The following DUT variants were observed in gnomAD, a reference collection of about 807,000 sequenced individuals.
DUT encodes the protein deoxyuridine triphosphatase, also known as deoxyuridine 5'-triphosphate nucleotidohydrolase, mitochondrial.
DUT carries 21 observed loss-of-function variants against 28.8 expected under a neutral mutation model. The ratio of observed to expected loss-of-function variants is 0.73; its 90% CI spans 0.52 to 1.05. DUT has a LOEUF of 1.05. Ranked by LOEUF, DUT falls within the 50% of genes least tolerant of loss-of-function variation. The pLI is 0.00. For missense variants in DUT, 344 were observed against 351.8 expected, an observed-to-expected ratio of 0.98 and a Z score of 0.18; for synonymous variants, 147 against 143.7, an observed-to-expected ratio of 1.02 and a Z score of -0.17.
At position 48,342,816 on chromosome 15, in the gene DUT, TC is replaced by T. The variant is rs1432579068; in HGVS notation, c.*741del. ...TTGTACTAGTTGTAGTTACGAGTTT[TC>T]CCTCAGTGAAGTAGCAATAGGCTGT... On this transcript the variant is annotated 3_prime_UTR_variant, in exon 7 of 7. Transcript: ENST00000331200. 1.3e-5 allele frequency: 2 copies of T among 152,192 alleles called. No homozygotes were observed. Among genetic ancestry groups the T allele is most frequent in the Non-Finnish European group, 2.9e-5 (2 of 68,028 alleles). The allele number at this position is 152,192 out of a possible 1,614,324, so 9.4% of individuals were successfully genotyped here.
At position 48,342,065 on chromosome 15, in the gene DUT, C is replaced by A; in HGVS notation, c.746C>A (p.Thr249Asn). ...TERGSGGFGS[T>N]GKN ...AGGGGTTCAGGAGGTTTTGGTTCCACTGGAAAGAATTAAAATTTATGCCAA... is the reference window on the plus strand; with the variant it reads ...AGGGGTTCAGGAGGTTTTGGTTCCAATGGAAAGAATTAAAATTTATGCCAA... The change falls in exon 7 of 7, where the codon ACT becomes AAT. Residue 249 changes from threonine to asparagine, a missense_variant. Coordinates refer to ENST00000331200, the MANE Select transcript of DUT (RefSeq NM_001025248.2). The A allele has an allele frequency of 6.4e-7, 1 of 1,564,814 alleles. No individual in the cohort carries two copies. Among genetic ancestry groups the A allele is most frequent in the South Asian group, 1.2e-5 (1 of 82,346 alleles).
At position 48,331,475 on chromosome 15, in the gene DUT, C is replaced by A. The variant is rs1241277707; in HGVS notation, c.-41C>A. On this transcript the variant is annotated 5_prime_UTR_variant, in exon 1 of 7. Transcript: ENST00000331200. ...TCAGGGTGGAAGCCTGGCGCACGTC[C>A]GGAGGTGCCGAGGACCCAACCAGCC... is the stretch of plus-strand genomic sequence containing the variant. 4 of 1,607,016 alleles carry A rather than the reference C, an allele frequency of 2.5e-6. No homozygotes were observed. The highest frequency in any genetic ancestry group is 3.4e-6 in the Non-Finnish European group (4 of 1,177,386).
At chr15:48,340,578 G>A (rs1566875135) in intron 4 of DUT, among the ~76,000 whole-genome samples, 2 of 152,166 alleles carry the variant, frequency 1.3e-5, no homozygotes, top group African/African-American at 4.8e-5. Flanking sequence ...TCTGGGCTAT[G>A]TCAGGGACCT....
intron 1 of DUT, 33 bp from the exon 2 acceptor site, chr15:48,332,235 C>T (rs1195017956): frequency 2.6e-6 from 4 of 1,568,110 alleles, no homozygotes; most frequent in Non-Finnish European, 3.5e-6. Flanking sequence ...TCTCCTCGCT[C>T]GCCTTCTGGC....
At position 48,331,758 on chromosome 15, in the gene DUT, G is replaced by T; in HGVS notation, c.243G>T (p.Glu81Asp). The change falls in exon 1 of 7, where the codon GAG becomes GAT. Residue 81 changes from glutamate to aspartate, a missense_variant. By Grantham distance (45) the Glu-to-Asp change is conservative. Transcript: ENST00000331200. ...STVGAAGWKG[E>D]LPKAGGSPAP... ...TCGGGGCCGCTGGCTGGAAGGGCGA[G>T]CTTCCTAAGGCGGGGGGAAGCCCGG... 1 of 1,406,334 alleles carries T rather than the reference G, an allele frequency of 7.1e-7. No homozygotes were observed. The allele number at this position is 1,406,334 out of a possible 1,614,324, so 87.1% of individuals were successfully genotyped here.
chr15:48,339,743 C>T (rs935527902), intron 4 of DUT, among the ~76,000 whole-genome samples: 3 of 152,126 alleles, frequency 2.0e-5, no homozygotes, highest in Admixed American at 6.6e-5. Flanking sequence ...CTTTTCTGCC[C>T]AGTTTTATAC....
intron 4 of DUT, among the ~76,000 whole-genome samples, chr15:48,338,684 C>G (rs1366904602): frequency 6.6e-6 from 1 of 152,160 alleles, no homozygotes; most frequent in Non-Finnish European, 1.5e-5. Flanking sequence ...TCAAATATTG[C>G]TGATGGAAGT....
intron 1 of DUT, 89 bp downstream of exon 1, chr15:48,331,884 T>A: frequency 6.3e-6 from 1 of 159,554 alleles, no homozygotes; most frequent in Non-Finnish European, 1.0e-5. Flanking sequence ...GAGCGGTCCT[T>A]CTGCGCGCGG....
chr15:48,342,620 G>C lies in DUT; in HGVS notation c.*542G>C, dbSNP rs909812023. On this transcript the variant is annotated 3_prime_UTR_variant, in exon 7 of 7. Coordinates refer to ENST00000331200, the MANE Select transcript of DUT (RefSeq NM_001025248.2). ...TCTAAAAACTTCTTTTTAATCTTAAGATTCTTTGTGATGAGGGTGAGAAAA... is the reference window on the plus strand; with the variant it reads ...TCTAAAAACTTCTTTTTAATCTTAACATTCTTTGTGATGAGGGTGAGAAAA... 9 of 152,060 alleles carry C rather than the reference G, an allele frequency of 5.9e-5. No individual in the cohort carries two copies. Among genetic ancestry groups the C allele is most frequent in the African/African-American group, 2.2e-4 (9 of 41,414 alleles). The allele number at this position is 152,060 out of a possible 1,614,324, so 9.4% of individuals were successfully genotyped here.
At chr15:48,335,597 G>T (rs1214971941) in intron 3 of DUT, among the ~76,000 whole-genome samples, 1 of 152,080 alleles carries the variant, frequency 6.6e-6, no homozygotes, top group Non-Finnish European at 1.5e-5. Flanking sequence ...CTTCCCATCT[G>T]CATTGTACAT....
At position 48,332,366 on chromosome 15, in the gene DUT, A is replaced by G; in HGVS notation, c.379A>G (p.Thr127Ala). The change falls in exon 2 of 7, where the codon ACC becomes GCC. Residue 127 changes from threonine to alanine, a missense_variant. Coordinates refer to ENST00000331200, the MANE Select transcript of DUT (RefSeq NM_001025248.2). Reference sequence around the variant, plus strand: ...GCTCTCCGAGCACGCCACGGCCCCCACCCGGGGCTCCGCGCGCGCCGCGGG... The same window carrying G: ...GCTCTCCGAGCACGCCACGGCCCCCGCCCGGGGCTCCGCGCGCGCCGCGGG... Reference protein sequence around the residue: ...ARLSEHATAPTRGSARAAGYD... With the variant: ...ARLSEHATAPARGSARAAGYD... 6.3e-7 allele frequency: 1 copy of G among 1,594,232 alleles called. No individual in the cohort carries two copies. The highest frequency in any genetic ancestry group is 8.5e-7 in the Non-Finnish European group (1 of 1,172,674).
chr15:48,331,970 C>G, intron 1 of DUT, 175 bp downstream of exon 1: 6 of 873,010 alleles, frequency 6.9e-6, no homozygotes, highest in South Asian at 2.2e-5. Context: ...GGGCGACGCC[C>G]TAGAAGCTCC....
rs1390421400 is a variant in DUT at position 48,343,294 on chromosome 15, G to A, written c.*1216G>A. On this transcript the variant is annotated 3_prime_UTR_variant, in exon 7 of 7. Coordinates refer to ENST00000331200, the MANE Select transcript of DUT (RefSeq NM_001025248.2). The stretch of plus-strand genomic sequence containing the variant: ...CATGAAATCAACTCAGTGGGACATA[G>A]CCAGCATTTTTGCATACCAGGTTGG... The A allele has an allele frequency of 6.6e-6, 1 of 152,154 alleles. No homozygotes were observed. The highest frequency in any genetic ancestry group is 1.5e-5 in the Non-Finnish European group (1 of 68,030). The allele number at this position is 152,154 out of a possible 1,614,324, so 9.4% of individuals were successfully genotyped here.
At chr15:48,331,143 C>T, upstream of DUT, 1 of 1,334,274 alleles carries the variant, frequency 7.5e-7, no homozygotes, top group Non-Finnish European at 9.7e-7. Flanking sequence ...CTTAGGGCGC[C>T]GCTAAACTCA....
At chr15:48,341,674 T>G in intron 6 of DUT, 89 bp downstream of exon 6, 1 of 1,088,662 alleles carries the variant, frequency 9.2e-7, no homozygotes, top group Non-Finnish European at 1.3e-6. Flanking sequence ...ATATGCTGTT[T>G]GTAACTAAAT....
rs1597479164 is a variant in DUT at position 48,332,582 on chromosome 15, A to G, written c.419+176A>G. 8 of 715,894 alleles carry G rather than the reference A, an allele frequency of 1.1e-5. No homozygotes were observed. In the East Asian group the frequency reaches 2.2e-4, roughly 19 times the overall value. 44.3% of individuals were successfully genotyped at this position (715,894 alleles called of 1,614,324 possible). On this transcript the variant is annotated intron_variant, in intron 2 of 6. Transcript: ENST00000331200. The stretch of plus-strand genomic sequence containing the variant: ...GCATAAATTAAATAGAGATTTGGGC[A>G]AAGACTGCAGAATAAGTAAAATAGC...
chr15:48,340,619 C>T (rs2042522934), intron 4 of DUT, among the ~76,000 whole-genome samples: 1 of 152,064 alleles, frequency 6.6e-6, no homozygotes. Context: ...AGATCTTCTC[C>T]CCCTGTGTTC....
chr15:48,334,145 C>T (rs1005145712), intron 2 of DUT, among the ~76,000 whole-genome samples: 4 of 152,096 alleles, frequency 2.6e-5, no homozygotes, highest in African/African-American at 9.7e-5. Context: ...CAAACATTTA[C>T]AATGTTGACA....
At chr15:48,334,206 G>T (rs1158572170) in intron 2 of DUT, among the ~76,000 whole-genome samples, 1 of 152,026 alleles carries the variant, frequency 6.6e-6, no homozygotes, top group Non-Finnish European at 1.5e-5. Flanking sequence ...ATCTAAAGCT[G>T]TCTTTTTAAT....
Sources: allele counts gnomAD v4.1 joint callset (sites outside exome capture counted in the v4.1 genomes callset), GRCh38; gene constraint gnomAD v4.1.1; transcripts MANE v1.5; gene names NCBI Gene and HGNC (gene_info 2026-07-23, HGNC 2026-07-21).